Variants in DSCAM observed in about 807,000 individuals in gnomAD.
The protein encoded by DSCAM is DS cell adhesion molecule, also known as cell adhesion molecule DSCAM.
DSCAM carries 47 observed loss-of-function variants against 217.7 expected under a neutral mutation model. That is an observed-to-expected ratio of 0.22 (90% CI 0.17 to 0.28). DSCAM has a LOEUF of 0.28. DSCAM is among the 10% of genes least tolerant of loss of function. The pLI, the probability that DSCAM is intolerant of heterozygous loss-of-function variation, is 1.00. For synonymous variants in DSCAM, 1,056 were observed against 1,015.3 expected, an observed-to-expected ratio of 1.04 and a Z score of -0.76; for missense variants, 2,080 against 2,618.3, an observed-to-expected ratio of 0.79 and a Z score of 4.49.
chr21:40,395,643 T>C (rs868023787), intron 3 of DSCAM, among the ~76,000 whole-genome samples: 6 of 152,166 alleles, frequency 3.9e-5, no homozygotes, highest in Admixed American at 2.0e-4. Context: ...GACCTTGCTA[T>C]TGGTTTTGTT....
Position 40,532,866 on chromosome 21 carries a change from CTCTGTGTG to C in DSCAM, c.508+159936_508+159943del, listed in dbSNP as rs534491925. ...GTGGTGCTTCAAAACAGCCACAAGG[CTCTGTGTG>C]TGTGTGTGTGTGTGTGTGTGTGTGT... is the stretch of plus-strand genomic sequence containing the variant. On this transcript the variant is annotated intron_variant, in intron 3 of 32. Coordinates refer to ENST00000400454, the MANE Select transcript of DSCAM (RefSeq NM_001389.5). Among the ~76,000 whole-genome samples, 869 of 103,854 alleles carry C rather than the reference CTCTGTGTG, an allele frequency of 8.4e-3. 7 individuals carry two copies. The highest frequency in any genetic ancestry group is 0.048 in the East Asian group (156 of 3,276). 68.1% of individuals were successfully genotyped at this position (103,854 alleles called of 152,430 possible).
chr21:40,050,086 GT>G (rs2146493696), intron 30 of DSCAM, among the ~76,000 whole-genome samples: 1 of 152,350 alleles, frequency 6.6e-6, no homozygotes, highest in South Asian at 2.1e-4. Context: ...TTGGGGCAGT[GT>G]TTCTCAATGT....
At chr21:40,551,585 T>C (rs13046694) in intron 3 of DSCAM, among the ~76,000 whole-genome samples, 10,621 of 152,228 alleles carry the variant, frequency 0.07, 415 homozygotes, top group East Asian at 0.11. Flanking sequence ...GTTATGTTAA[T>C]AGGGATTCCT....
intron 4 of DSCAM, among the ~76,000 whole-genome samples, chr21:40,363,845 A>C (rs1009466814): frequency 1.3e-5 from 2 of 152,148 alleles, no homozygotes; most frequent in Non-Finnish European, 2.9e-5. Flanking sequence ...AAAACAAACA[A>C]CACCATCAAC....
intron 3 of DSCAM, among the ~76,000 whole-genome samples, chr21:40,628,547 A>G (rs537074670): frequency 6.6e-6 from 1 of 152,328 alleles, no homozygotes; most frequent in African/African-American, 2.4e-5. Flanking sequence ...TTTGCACTGC[A>G]GTGGCAGAGT....
chr21:40,226,982 T>A (rs1471971769), intron 11 of DSCAM, among the ~76,000 whole-genome samples: 1 of 152,184 alleles, frequency 6.6e-6, no homozygotes. Flanking sequence ...TTCCCACTTG[T>A]AAGTGAGAAC....
intron 1 of DSCAM, among the ~76,000 whole-genome samples, chr21:40,713,042 AG>A (rs2090799932): frequency 6.6e-6 from 1 of 152,212 alleles, no homozygotes; most frequent in Non-Finnish European, 1.5e-5. Context: ...AAGCATCAAA[AG>A]CTATTGTCAA....
chr21:40,494,942 A>G (rs2076106106), intron 3 of DSCAM, among the ~76,000 whole-genome samples: 1 of 152,148 alleles, frequency 6.6e-6, no homozygotes, highest in Non-Finnish European at 1.5e-5. Flanking sequence ...ACGAAGGATT[A>G]TAAAAAGCTA....
intron 1 of DSCAM, among the ~76,000 whole-genome samples, chr21:40,786,598 G>A (rs565093607): frequency 7.2e-5 from 11 of 152,242 alleles, no homozygotes; most frequent in East Asian, 1.9e-4. Context: ...GGTGCTGCAG[G>A]GGACATGGCA....
At chr21:40,274,869 G>T (rs114749586) in intron 11 of DSCAM, among the ~76,000 whole-genome samples, 91 of 152,110 alleles carry the variant, frequency 6.0e-4, no homozygotes, top group African/African-American at 2.0e-3. Flanking sequence ...TAAATTCTTC[G>T]TGAGTTAGGA....
chr21:40,104,241 C>A (rs1337929746), intron 20 of DSCAM, among the ~76,000 whole-genome samples: 1 of 151,758 alleles, frequency 6.6e-6, no homozygotes, highest in Admixed American at 6.6e-5. Flanking sequence ...AAATTCTGTA[C>A]AAAAAAACTA....
chr21:40,209,860 T>C (rs1197095789), intron 11 of DSCAM, among the ~76,000 whole-genome samples: 2 of 152,220 alleles, frequency 1.3e-5, no homozygotes, highest in Non-Finnish European at 1.5e-5. Flanking sequence ...CAGTCTATCC[T>C]AGGGCTCTGC....
intron 3 of DSCAM, among the ~76,000 whole-genome samples, chr21:40,542,136 TCTAA>T (rs551767382): frequency 2.0e-4 from 31 of 152,284 alleles, no homozygotes; most frequent in East Asian, 5.8e-4. Flanking sequence ...CTACATGTTC[TCTAA>T]CTGACTGATT....
Position 40,125,727 on chromosome 21 carries a change from C to A in DSCAM, c.3563-1399G>T, listed in dbSNP as rs1291851695. Among the ~76,000 whole-genome samples the A allele has an allele frequency of 5.3e-5, 8 of 152,146 alleles. 1 individual carries two copies. The South Asian group carries it at 1.7e-3, about 32-fold the overall frequency. The stretch of plus-strand genomic sequence containing the variant: ...AAGGTAACACACATAAATGATAGAT[C>A]CTGGGTTAAAAAATCCCTTGAGAAC... On this transcript the variant is annotated intron_variant, in intron 19 of 32. Transcript: ENST00000400454.
chr21:40,072,629 T>C lies in DSCAM; in HGVS notation c.4888+2408A>G, dbSNP rs544809039. 5.3e-5 allele frequency among the ~76,000 whole-genome samples: 8 copies of C among 152,294 alleles called. No homozygotes were observed. The East Asian group carries it at 1.5e-3, about 29-fold the overall frequency. On this transcript the variant is annotated intron_variant, in intron 27 of 32. Coordinates refer to ENST00000400454, the MANE Select transcript of DSCAM (RefSeq NM_001389.5). ...TCCCAAAGTGCTAGGATTACAGGTG[T>C]GAGCCACCGCACCCGGCCTCTCCTG...
At chr21:40,662,803 C>A (rs553369507) in intron 3 of DSCAM, among the ~76,000 whole-genome samples, 5 of 152,238 alleles carry the variant, frequency 3.3e-5, no homozygotes, top group African/African-American at 1.2e-4. Context: ...CAGCACCCTG[C>A]GGGCATCTTG....
chr21:40,815,959 T>C (rs1275628881), intron 1 of DSCAM, among the ~76,000 whole-genome samples: 2 of 152,228 alleles, frequency 1.3e-5, no homozygotes, highest in Admixed American at 6.5e-5. Flanking sequence ...CCTGTCACCA[T>C]TGTGGTTGTC....
intron 10 of DSCAM, among the ~76,000 whole-genome samples, chr21:40,295,273 A>G (rs1480231607): frequency 6.6e-6 from 1 of 152,222 alleles, no homozygotes; most frequent in Non-Finnish European, 1.5e-5. Context: ...TCAAGTGTCT[A>G]AATGAGAAAA....
At chr21:40,233,120 C>A (rs534976255) in intron 11 of DSCAM, among the ~76,000 whole-genome samples, 6 of 151,864 alleles carry the variant, frequency 4.0e-5, no homozygotes, top group Non-Finnish European at 7.4e-5. Context: ...TACACCAAAC[C>A]CCCGTGACGA....
Sources: allele counts gnomAD v4.1 joint callset (sites outside exome capture counted in the v4.1 genomes callset), GRCh38; gene constraint gnomAD v4.1.1; transcripts MANE v1.5; gene names NCBI Gene and HGNC (gene_info 2026-07-23, HGNC 2026-07-21).